ATP8B4: variants seen among roughly 807,000 people sequenced by gnomAD.
ATP8B4 encodes ATPase phospholipid transporting 8B4 (putative).
In ATP8B4, 133 loss-of-function variants were observed where a neutral mutation model predicts 145.6. That is an observed-to-expected ratio of 0.91 (90% CI 0.79 to 1.05). ATP8B4 has a LOEUF of 1.05. Ranked by LOEUF, ATP8B4 falls within the 50% of genes least tolerant of loss-of-function variation. The probability of loss-of-function intolerance (pLI) is 0.00; values close to 1 mark genes in which losing one functional copy is unlikely to be tolerated. For synonymous variants in ATP8B4, 507 were observed against 492.9 expected (o/e 1.03, Z -0.38); for missense variants, 1,458 against 1,425.2 (o/e 1.02, Z -0.37).
At chr15:50,088,499 C>T (rs562286292) in intron 2 of ATP8B4, among the ~76,000 whole-genome samples, 2 of 152,214 alleles carry the variant, frequency 1.3e-5, no homozygotes, top group East Asian at 3.9e-4. Flanking sequence ...ACTTACTGTT[C>T]CCTCGCCTGG....
At chr15:50,146,957 C>T (rs1347933211) in intron 1 of ATP8B4, among the ~76,000 whole-genome samples, 1 of 152,236 alleles carries the variant, frequency 6.6e-6, no homozygotes, top group African/African-American at 2.4e-5. Flanking sequence ...GGAGTTTTTC[C>T]AGGGATCCTC....
At chr15:49,870,531 C>T (rs933385630) in intron 25 of ATP8B4, among the ~76,000 whole-genome samples, 1 of 152,170 alleles carries the variant, frequency 6.6e-6, no homozygotes, top group African/African-American at 2.4e-5. Flanking sequence ...AGATTTATAA[C>T]TGTAATTACA....
At chr15:49,890,843 C>T (rs899101512) in intron 23 of ATP8B4, among the ~76,000 whole-genome samples, 14 of 152,226 alleles carry the variant, frequency 9.2e-5, no homozygotes, top group Middle Eastern at 3.4e-3. Context: ...TCTTCAATAC[C>T]GCGAACATGC....
intron 3 of ATP8B4, among the ~76,000 whole-genome samples, chr15:50,068,369 C>T (rs1349184446): frequency 6.6e-6 from 1 of 152,104 alleles, no homozygotes; most frequent in Non-Finnish European, 1.5e-5. Flanking sequence ...GTTTTACCAA[C>T]CACAAAAAAT....
rs753265854 is a variant in ATP8B4 at position 49,918,822 on chromosome 15, A to C, written c.2035+17T>G. On this transcript the variant is annotated intron_variant, in intron 19 of 27. Transcript: ENST00000284509. Reference sequence around the variant, plus strand: ...TCCCCATTTTCAAAATATCATCAACATCCATTTTCAAGTTACCTTGTTTGT... The same window carrying C: ...TCCCCATTTTCAAAATATCATCAACCTCCATTTTCAAGTTACCTTGTTTGT... 6.4e-7 allele frequency: 1 copy of C among 1,554,892 alleles called. No individual in the cohort carries two copies. Among genetic ancestry groups the C allele is most frequent in the East Asian group, 2.3e-5 (1 of 44,380 alleles).
rs146273709 is a variant in ATP8B4 at position 49,934,191 on chromosome 15, G to GAAC, written c.1288-12_1288-10dup. 7 of 1,590,964 alleles carry GAAC rather than the reference G, an allele frequency of 4.4e-6. No homozygotes were observed. Among genetic ancestry groups the GAAC allele is most frequent in the East Asian group, 2.3e-5 (1 of 44,434 alleles). Reference sequence around the variant, plus strand: ...TCCACAGGCTCTTTTTCCTGTAGGAGAACAACAACAACAAAAATAACCAAA... The same window carrying GAAC: ...TCCACAGGCTCTTTTTCCTGTAGGAGAACAACAACAACAACAAAAATAACCAAA... On this transcript the variant is annotated splice_polypyrimidine_tract_variant and intron_variant, in intron 14 of 27. Coordinates refer to ENST00000284509, the MANE Select transcript of ATP8B4 (RefSeq NM_024837.4).
intron 25 of ATP8B4, among the ~76,000 whole-genome samples, chr15:49,868,448 T>TA (rs2033155935): frequency 6.6e-6 from 1 of 152,142 alleles, no homozygotes. Context: ...TGCACTGAAA[T>TA]AAAAATTAAA....
upstream of ATP8B4, among the ~76,000 whole-genome samples, chr15:50,122,145 A>G (rs887596605): frequency 6.6e-6 from 1 of 152,182 alleles, no homozygotes; most frequent in Non-Finnish European, 1.5e-5. Flanking sequence ...AAGAAAGCCA[A>G]TGAATTATGG....
At chr15:50,006,284 C>T (rs1176792762) in intron 7 of ATP8B4, among the ~76,000 whole-genome samples, 1 of 134,212 alleles carries the variant, frequency 7.5e-6, no homozygotes, top group Non-Finnish European at 1.7e-5. Flanking sequence ...TTCCTCTAGT[C>T]AAAAAAAAAA....
At chr15:49,936,344 A>T (rs1332385276) in intron 14 of ATP8B4, among the ~76,000 whole-genome samples, 1 of 152,124 alleles carries the variant, frequency 6.6e-6, no homozygotes, top group Non-Finnish European at 1.5e-5. Context: ...CATATTTCAT[A>T]AGAAAAAGAT....
chr15:49,974,569 T>C (rs1343196893), intron 12 of ATP8B4, among the ~76,000 whole-genome samples: 1 of 152,122 alleles, frequency 6.6e-6, no homozygotes, highest in Admixed American at 6.6e-5. Context: ...ATGAGTTTTC[T>C]CTTTCTAAAG....
intron 2 of ATP8B4, among the ~76,000 whole-genome samples, chr15:50,085,409 T>C (rs1278951575): frequency 6.6e-6 from 1 of 152,152 alleles, no homozygotes; most frequent in Non-Finnish European, 1.5e-5. Context: ...CAGGTGCAAC[T>C]ACATGAGTTT....
At chr15:49,987,936 C>A (rs1168747408) in intron 9 of ATP8B4, among the ~76,000 whole-genome samples, 1 of 152,184 alleles carries the variant, frequency 6.6e-6, no homozygotes, top group Admixed American at 6.6e-5. Context: ...TAAATGTGAA[C>A]TTTTACACAG....
rs140825100 is a variant in ATP8B4, at chr15:49,920,297, C to G, written c.1872G>C (p.Glu624Asp). 187 of 1,614,090 alleles carry G rather than the reference C, an allele frequency of 1.2e-4. No individual in the cohort carries two copies. Among genetic ancestry groups the G allele is most frequent in the Non-Finnish European group, 1.6e-4 (183 of 1,180,044 alleles). The change falls in exon 18 of 28, where the codon GAG becomes GAC. Residue 624 changes from glutamate to aspartate, a missense_variant. Physicochemically the swap from Glu to Asp is conservative, Grantham distance 45. Coordinates refer to ENST00000284509, the MANE Select transcript of ATP8B4 (RefSeq NM_024837.4). ...ATAGCCCAGCTATTCGTTCATCCCT[C>G]TCTTCTGTGGCAGCATTCGCATCTT... is the stretch of plus-strand genomic sequence containing the variant. ...MLEDANAATE[E>D]RDERIAGLYE...
chr15:50,083,506 C>T (rs1362650710), intron 2 of ATP8B4, among the ~76,000 whole-genome samples: 1 of 152,076 alleles, frequency 6.6e-6, no homozygotes, highest in Non-Finnish European at 1.5e-5. Context: ...AGCCAGAGGG[C>T]ATTTAATTTT....
At chr15:50,101,055 G>A (rs953610708) in intron 2 of ATP8B4, among the ~76,000 whole-genome samples, 20 of 151,962 alleles carry the variant, frequency 1.3e-4, no homozygotes, top group Non-Finnish European at 4.4e-5. Flanking sequence ...TCAAAATAAT[G>A]AAAAATTATT....
At chr15:50,003,893 G>T (rs1243207676) in intron 7 of ATP8B4, among the ~76,000 whole-genome samples, 1 of 152,122 alleles carries the variant, frequency 6.6e-6, no homozygotes, top group Non-Finnish European at 1.5e-5. Context: ...CTAGGAACAT[G>T]TGACTGAGGC....
chr15:49,877,320 G>A lies in ATP8B4; in HGVS notation c.2782-797C>T, dbSNP rs140692485. 1.2e-3 allele frequency among the ~76,000 whole-genome samples: 180 copies of A among 152,244 alleles called. 1 individual carries two copies. The highest frequency in any genetic ancestry group is 3.9e-3 in the African/African-American group (164 of 41,548). On this transcript the variant is annotated intron_variant, in intron 24 of 27. Transcript: ENST00000284509. ...CCAAAGTAATGCTGATAACCACAGT[G>A]AGCACCAAAGCCAAATGCCAAAAAC... is the stretch of plus-strand genomic sequence containing the variant.
Position 49,931,311 on chromosome 15 carries a change from A to G in ATP8B4, c.1454-4T>C. Reference sequence around the variant, plus strand: ...TGAACTTGGTAAATCAGCTCTCCTAAAAGGTAAAGAAACAAGTGTATCAAT... The same window carrying G: ...TGAACTTGGTAAATCAGCTCTCCTAGAAGGTAAAGAAACAAGTGTATCAAT... On this transcript the variant is annotated splice_region_variant and splice_polypyrimidine_tract_variant and intron_variant, in intron 15 of 27. Coordinates refer to ENST00000284509, the MANE Select transcript of ATP8B4 (RefSeq NM_024837.4). The G allele has an allele frequency of 6.2e-7, 1 of 1,610,490 alleles. No individual in the cohort carries two copies. The highest frequency in any genetic ancestry group is 1.1e-5 in the South Asian group (1 of 90,900).
Sources: allele counts gnomAD v4.1 joint callset (sites outside exome capture counted in the v4.1 genomes callset), GRCh38; gene constraint gnomAD v4.1.1; transcripts MANE v1.5; gene names NCBI Gene and HGNC (gene_info 2026-07-23, HGNC 2026-07-21).